Variants in IL1RAPL1 observed in about 807,000 individuals in gnomAD.
The protein encoded by IL1RAPL1 is interleukin 1 receptor accessory protein like 1, also known as interleukin-1 receptor accessory protein-like 1.
In IL1RAPL1, 3 loss-of-function variants were observed where a neutral mutation model predicts 48.4. The ratio of observed to expected loss-of-function variants is 0.06; its 90% confidence interval spans 0.03 to 0.16. The LOEUF (loss-of-function observed/expected upper bound fraction) is 0.16. Ranked by LOEUF, IL1RAPL1 falls within the 10% of genes least tolerant of loss-of-function variation. IL1RAPL1 has a pLI of 1.00. For missense variants in IL1RAPL1, 349 were observed against 530.6 expected, an observed-to-expected ratio of 0.66 and a Z score of 3.36; for synonymous variants, 185 against 187.7, an observed-to-expected ratio of 0.99 and a Z score of 0.12.
intron 2 of IL1RAPL1, among the ~76,000 whole-genome samples, chrX:29,252,276 G>GAAAAAAAA (rs1208250005): frequency 6.3e-5 from 3 of 47,717 alleles, no homozygotes; most frequent in Admixed American, 2.5e-4. Context: ...AATAGTAAAA[G>GAAAAAAAA]AAAAAAGAAA....
intron 6 of IL1RAPL1, among the ~76,000 whole-genome samples, chrX:29,893,705 G>A (rs183890464): frequency 1.9e-4 from 21 of 111,495 alleles, no homozygotes; most frequent in Admixed American, 1.7e-3. Context: ...TACAATATTC[G>A]TAAAGAAGCC....
At chrX:29,556,688 T>C (rs1207751830) in intron 5 of IL1RAPL1, among the ~76,000 whole-genome samples, 1 of 110,375 alleles carries the variant, frequency 9.1e-6, no homozygotes, top group Non-Finnish European at 1.9e-5. Context: ...AAGATCAAAG[T>C]TGAATGTATA....
At chrX:28,675,192 T>C (rs894967668) in intron 1 of IL1RAPL1, among the ~76,000 whole-genome samples, 1 of 111,266 alleles carries the variant, frequency 9.0e-6, no homozygotes, top group Non-Finnish European at 1.9e-5. Flanking sequence ...ATAGCAGCAA[T>C]GTATGGTTGT....
intron 5 of IL1RAPL1, among the ~76,000 whole-genome samples, chrX:29,582,242 C>T (rs1416360431): frequency 1.8e-5 from 2 of 111,090 alleles, no homozygotes; most frequent in Non-Finnish European, 3.8e-5. Flanking sequence ...ATGTAGGAGG[C>T]ATTTCTAAAT....
At chrX:29,018,474 G>A (rs1227265455) in intron 2 of IL1RAPL1, among the ~76,000 whole-genome samples, 41 of 111,925 alleles carry the variant, frequency 3.7e-4, no homozygotes, top group Non-Finnish European at 5.6e-5. Flanking sequence ...AGCCTAGGGT[G>A]TCAGAAAGAA....
chrX:29,418,124 TA>T (rs60514476), intron 5 of IL1RAPL1, among the ~76,000 whole-genome samples: 5,534 of 30,272 alleles, frequency 0.18, 767 homozygotes, highest in East Asian at 0.24. Flanking sequence ...TATATATATA[TA>T]TTTTTTTTTT....
intron 3 of IL1RAPL1, among the ~76,000 whole-genome samples, chrX:29,300,781 T>C (rs1453504973): frequency 8.9e-6 from 1 of 112,286 alleles, no homozygotes; most frequent in Non-Finnish European, 1.9e-5. Context: ...AAATTGCTGC[T>C]GTGGATGTCT....
chrX:29,812,387 A>C (rs1403808965), intron 6 of IL1RAPL1, among the ~76,000 whole-genome samples: 1 of 111,827 alleles, frequency 8.9e-6, no homozygotes, highest in African/African-American at 3.2e-5. Flanking sequence ...AAAATGACTA[A>C]AAGGAACTCT....
At chrX:29,474,719 A>C (rs1468501615) in intron 5 of IL1RAPL1, among the ~76,000 whole-genome samples, 1 of 111,958 alleles carries the variant, frequency 8.9e-6, no homozygotes, top group African/African-American at 3.3e-5. Context: ...TGAATGAGAA[A>C]GAACTCATCA....
chrX:28,831,024 CTCTG>C (rs1196193890), intron 2 of IL1RAPL1, among the ~76,000 whole-genome samples: 39 of 59,237 alleles, frequency 6.6e-4, no homozygotes, highest in East Asian at 6.6e-3. Context: ...CTCTCTCTCT[CTCTG>C]TGTGTGTGTG....
chrX:28,744,494 A>G (rs769456102), intron 1 of IL1RAPL1, among the ~76,000 whole-genome samples: 90 of 111,633 alleles, frequency 8.1e-4, no homozygotes, highest in African/African-American at 2.8e-3. Flanking sequence ...GCTCTTAACT[A>G]TAAAGGTACA....
intron 2 of IL1RAPL1, among the ~76,000 whole-genome samples, chrX:29,108,006 G>A (rs974116278): frequency 8.9e-6 from 1 of 111,760 alleles, no homozygotes; most frequent in Admixed American, 9.5e-5. Context: ...CTTTATAAAT[G>A]GCACATACCT....
At chrX:28,760,309 C>T (rs1936153888) in intron 1 of IL1RAPL1, among the ~76,000 whole-genome samples, 1 of 111,869 alleles carries the variant, frequency 8.9e-6, no homozygotes. Flanking sequence ...TTATCTAGCC[C>T]TAACTCTCCT....
chrX:29,027,355 C>A (rs1442006705), intron 2 of IL1RAPL1, among the ~76,000 whole-genome samples: 1 of 111,930 alleles, frequency 8.9e-6, no homozygotes, highest in African/African-American at 3.2e-5. Flanking sequence ...TTTTCCACGT[C>A]TTTTCTTGGC....
At chrX:28,838,523 T>C (rs1921284200) in intron 2 of IL1RAPL1, among the ~76,000 whole-genome samples, 1 of 110,771 alleles carries the variant, frequency 9.0e-6, no homozygotes, top group East Asian at 2.9e-4. Context: ...GGGAAGAACA[T>C]ATGGGTCAGT....
intron 2 of IL1RAPL1, among the ~76,000 whole-genome samples, chrX:29,193,442 A>T (rs1012733452): frequency 3.6e-5 from 4 of 111,395 alleles, no homozygotes; most frequent in African/African-American, 1.3e-4. Context: ...CCCATATATT[A>T]ACTCTTGCAT....
chrX:29,608,038 C>T (rs59235418), intron 5 of IL1RAPL1, among the ~76,000 whole-genome samples: 1,893 of 112,164 alleles, frequency 0.017, 51 homozygotes, highest in African/African-American at 0.058. Context: ...ATTCTCTGCA[C>T]TGACTGGGTG....
chrX:29,451,732 A>T (rs776666680), intron 5 of IL1RAPL1, among the ~76,000 whole-genome samples: 4 of 111,831 alleles, frequency 3.6e-5, no homozygotes, highest in Middle Eastern at 4.6e-3. Flanking sequence ...ATGTTAAAAA[A>T]TTTTTTGTGA....
intron 2 of IL1RAPL1, among the ~76,000 whole-genome samples, chrX:29,203,901 A>G (rs1041940138): frequency 9.3e-6 from 1 of 107,946 alleles, no homozygotes; most frequent in Admixed American, 1.0e-4. Context: ...ATTCTACTCT[A>G]CCTCCATGAG....
Sources: gnomAD v4.1 joint callset for allele counts (sites outside exome capture counted in the v4.1 genomes callset) on GRCh38, gnomAD v4.1.1 for gene constraint, MANE v1.5 for transcripts, NCBI Gene and HGNC (gene_info 2026-07-23, HGNC 2026-07-21) for gene names.